DPF3: variants seen among roughly 807,000 people sequenced by gnomAD.
DPF3 encodes the protein zinc finger protein DPF3.
DPF3 carries 18 observed loss-of-function variants against 56.8 expected under a neutral mutation model. The observed-to-expected ratio is 0.32, with a 90% CI of 0.22 to 0.47. DPF3 has a LOEUF of 0.47. Ranked by LOEUF, DPF3 falls within the 20% of genes least tolerant of loss-of-function variation. DPF3 has a pLI of 1.00. For synonymous variants in DPF3, 188 were observed against 180.2 expected, an observed-to-expected ratio of 1.04 and a Z score of -0.35; for missense variants, 403 against 488.8, an observed-to-expected ratio of 0.82 and a Z score of 1.65.
chr14:72,629,740 G>A lies in DPF3; in HGVS notation c.872-4C>T. On this transcript the variant is annotated splice_polypyrimidine_tract_variant and splice_region_variant and intron_variant, in intron 8 of 10. Transcript: ENST00000556509. ...AACTGCAGGCAGGTTGGGTGACCTG[G>A]AGGAAGCCAGAAACAACAGCATTAG... is the stretch of plus-strand genomic sequence containing the variant. The A allele has an allele frequency of 2.0e-6, 3 of 1,535,374 alleles. No individual in the cohort carries two copies. Among genetic ancestry groups the A allele is most frequent in the East Asian group, 2.4e-5 (1 of 40,912 alleles).
intron 1 of DPF3, among the ~76,000 whole-genome samples, chr14:72,832,739 A>T (rs1884112719): frequency 6.6e-6 from 1 of 152,178 alleles, no homozygotes; most frequent in South Asian, 2.1e-4. Flanking sequence ...CAAAATCCAC[A>T]TCCAACCCAC....
chr14:72,823,584 G>A (rs371105096), intron 1 of DPF3, among the ~76,000 whole-genome samples: 25 of 152,110 alleles, frequency 1.6e-4, no homozygotes, highest in African/African-American at 5.8e-4. Context: ...GAGGAGTCAG[G>A]GGAATCTTCC....
intron 6 of DPF3, among the ~76,000 whole-genome samples, chr14:72,704,624 G>A (rs979224851): frequency 2.0e-5 from 3 of 152,116 alleles, no homozygotes; most frequent in Non-Finnish European, 4.4e-5. Flanking sequence ...CTGTTAAGAC[G>A]TTTCTGCCTG....
chr14:72,671,393 TA>T, intron 8 of DPF3: 1 of 1,595,308 alleles, frequency 6.3e-7, no homozygotes, highest in Middle Eastern at 1.7e-4. Context: ...ACAGCATTAT[TA>T]ATATTCTCAT....
intron 9 of DPF3, 90 bp from the exon 10 acceptor site, chr14:72,620,074 C>G: frequency 7.4e-7 from 1 of 1,348,972 alleles, no homozygotes; most frequent in Non-Finnish European, 9.9e-7. Flanking sequence ...GCCTTATTTC[C>G]ACGTCGGTCT....
chr14:72,876,476 C>T (rs1886121034), intron 1 of DPF3, among the ~76,000 whole-genome samples: 1 of 152,140 alleles, frequency 6.6e-6, no homozygotes, highest in African/African-American at 2.4e-5. Context: ...CAAACCGGGA[C>T]TCTGCTCAGA....
chr14:72,699,411 A>G (rs2153573790), intron 6 of DPF3, among the ~76,000 whole-genome samples: 1 of 151,120 alleles, frequency 6.6e-6, no homozygotes, highest in Non-Finnish European at 1.5e-5. Context: ...AGTCCCAGCT[A>G]CTTAAGAGGC....
At chr14:72,719,818 G>A (rs1889092905) in intron 5 of DPF3, among the ~76,000 whole-genome samples, 1 of 152,026 alleles carries the variant, frequency 6.6e-6, no homozygotes, top group African/African-American at 2.4e-5. Context: ...TGAGGCCCAG[G>A]GTACTTATAC....
chr14:72,675,117 C>G (rs985073739), intron 7 of DPF3, among the ~76,000 whole-genome samples: 1 of 152,162 alleles, frequency 6.6e-6, no homozygotes, highest in African/African-American at 2.4e-5. Context: ...AAGACCGTCA[C>G]GAATAACTGA....
intron 1 of DPF3, among the ~76,000 whole-genome samples, chr14:72,779,946 T>C (rs949063691): frequency 4.6e-5 from 7 of 152,222 alleles, no homozygotes; most frequent in African/African-American, 1.7e-4. Context: ...AGCTGATGCA[T>C]GGTGACCCCA....
rs1885053537 is a variant in DPF3 at position 72,629,694 on chromosome 14, G to A, written c.914C>T (p.Ala305Val). The A allele has an allele frequency of 1.3e-6, 2 of 1,536,008 alleles. No homozygotes were observed. The highest frequency in any genetic ancestry group is 1.7e-6 in the Non-Finnish European group (2 of 1,146,906). ...GCACTGCCACTTGTAGGTCTTGACAGCCTCGGTCATGTTCAGGGTAAACTG... is the reference window on the plus strand; with the variant it reads ...GCACTGCCACTTGTAGGTCTTGACAACCTCGGTCATGTTCAGGGTAAACTG... ...CLQFTLNMTE[A>V]VKTYKWQCIE... is the part of the protein sequence containing the mutation. Residue 305 changes from alanine to valine, a missense_variant, in exon 9 of 11, where the codon GCT becomes GTT. Around this residue, in one of 2 missense-constraint regions of DPF3, gnomAD observed 63 missense variants for 114.4 expected, o/e 0.55. Transcript: ENST00000556509.
At chr14:72,688,205 G>T (rs1253431440) in intron 7 of DPF3, among the ~76,000 whole-genome samples, 2 of 115,250 alleles carry the variant, frequency 1.7e-5, no homozygotes, top group African/African-American at 3.1e-5. Context: ...TGGGTGGGTG[G>T]GTGTGTGGGT....
At chr14:72,884,456 T>C (rs1159396036) in intron 1 of DPF3, among the ~76,000 whole-genome samples, 2 of 152,208 alleles carry the variant, frequency 1.3e-5, no homozygotes, top group African/African-American at 4.8e-5. Flanking sequence ...TTAGTTCTCA[T>C]AGTAACACCT....
intron 6 of DPF3, among the ~76,000 whole-genome samples, chr14:72,695,969 T>C (rs1029152695): frequency 6.6e-6 from 1 of 152,220 alleles, no homozygotes; most frequent in Admixed American, 6.5e-5. Context: ...CTTAATTCCA[T>C]GTGACTCAGG....
In DPF3 at chr14:72,616,142, G is replaced by C. The variant is rs1277093650; in HGVS notation, c.*3155C>G. Among the ~76,000 whole-genome samples the C allele has an allele frequency of 1.3e-5, 2 of 152,178 alleles. No homozygotes were observed. Among genetic ancestry groups the C allele is most frequent in the Non-Finnish European group, 2.9e-5 (2 of 68,044 alleles). ...TTGAATACCTGCAAAGACCATGCTG[G>C]ATAGGCCATGTTTCCCCACCTTACA... On this transcript the variant is annotated 3_prime_UTR_variant, in exon 11 of 11. Transcript: ENST00000556509.
intron 2 of DPF3, among the ~76,000 whole-genome samples, chr14:72,756,162 C>A (rs1481372367): frequency 6.6e-6 from 1 of 152,142 alleles, no homozygotes; most frequent in Non-Finnish European, 1.5e-5. Context: ...CCAGTCCTCC[C>A]TGGTAACCAA....
intron 7 of DPF3, among the ~76,000 whole-genome samples, chr14:72,684,503 GC>G (rs913598381): frequency 1.2e-5 from 1 of 84,032 alleles, no homozygotes; most frequent in Non-Finnish European, 1.9e-5. Flanking sequence ...TCAGGCTCAA[GC>G]TTTTTTTTTT....
chr14:72,769,023 G>T (rs1891407896), intron 2 of DPF3, among the ~76,000 whole-genome samples: 1 of 151,546 alleles, frequency 6.6e-6, no homozygotes, highest in South Asian at 2.1e-4. Context: ...GGATTTTTTG[G>T]TGTAGGAGAA....
At chr14:72,766,232 G>A (rs1176842989) in intron 2 of DPF3, among the ~76,000 whole-genome samples, 2 of 152,150 alleles carry the variant, frequency 1.3e-5, no homozygotes. Context: ...TCTGCTTCTG[G>A]AAAGATGAAA....
Sources: gnomAD v4.1 joint callset for allele counts (sites outside exome capture counted in the v4.1 genomes callset) on GRCh38, gnomAD v4.1.1 for gene constraint, gnomAD v4.1.1 regional missense constraint, MANE v1.5 for transcripts, NCBI Gene and HGNC (gene_info 2026-07-23, HGNC 2026-07-21) for gene names.